The following KCNAB1 variants were observed in gnomAD, a reference collection of about 807,000 sequenced individuals.
KCNAB1 encodes voltage-gated potassium channel subunit beta-1.
Under a neutral mutation model 64.6 loss-of-function variants are expected in KCNAB1, and 35 were observed. That is an observed-to-expected ratio of 0.54 (90% confidence interval 0.41 to 0.72). The LOEUF (loss-of-function observed/expected upper bound fraction) is 0.72, where lower values mean the gene tolerates loss of function less well. Among genes scored for constraint, KCNAB1 ranks in the 30% least tolerant of loss-of-function variants. The probability of loss-of-function intolerance (pLI) is 0.00; values close to 1 mark genes in which losing one functional copy is unlikely to be tolerated. For synonymous variants in KCNAB1, 177 were observed against 183.8 expected (o/e 0.96, Z 0.30); for missense variants, 401 against 512.9 (o/e 0.78, Z 2.11).
At chr3:156,362,360 T>G (rs1315590696) in intron 1 of KCNAB1, among the ~76,000 whole-genome samples, 2 of 152,254 alleles carry the variant, frequency 1.3e-5, no homozygotes, top group Non-Finnish European at 2.9e-5. Flanking sequence ...ACATCTATAC[T>G]GTGCTCATGT....
intron 2 of KCNAB1, among the ~76,000 whole-genome samples, chr3:156,449,134 G>C (rs922621914): frequency 6.6e-6 from 1 of 151,954 alleles, no homozygotes; most frequent in Non-Finnish European, 1.5e-5. Flanking sequence ...TATGGAATAG[G>C]TATGTAATAA....
downstream of KCNAB1, chr3:156,538,762 ATAG>A (rs1361882647): frequency 6.6e-6 from 1 of 152,250 alleles, no homozygotes; most frequent in African/African-American, 2.4e-5. Context: ...CTCAACAGAA[ATAG>A]TAGTGATCAA....
chr3:156,189,617 T>A (rs543350978), intron 1 of KCNAB1, among the ~76,000 whole-genome samples: 6 of 151,426 alleles, frequency 4.0e-5, no homozygotes, highest in Non-Finnish European at 5.9e-5. Context: ...TTCCTACCAT[T>A]TAAATCTCTA....
At chr3:156,292,337 A>G (rs993459889) in intron 1 of KCNAB1, among the ~76,000 whole-genome samples, 4 of 152,214 alleles carry the variant, frequency 2.6e-5, no homozygotes, top group Admixed American at 6.5e-5. Flanking sequence ...CCCATTTTGT[A>G]TAATTCTAAA....
At chr3:156,459,286 T>C (rs763314456) in intron 4 of KCNAB1, among the ~76,000 whole-genome samples, 8 of 152,154 alleles carry the variant, frequency 5.3e-5, no homozygotes, top group Non-Finnish European at 1.2e-4. Context: ...CGTTATGTCT[T>C]CCTCTGTTTT....
At chr3:156,155,204 T>TC (rs1391605326) in intron 1 of KCNAB1, among the ~76,000 whole-genome samples, 2 of 151,934 alleles carry the variant, frequency 1.3e-5, no homozygotes, top group African/African-American at 2.4e-5. Context: ...CATCTACCTA[T>TC]CCCCCCTGCC....
chr3:156,515,732 C>T (rs1160067261), intron 10 of KCNAB1, among the ~76,000 whole-genome samples: 3 of 151,906 alleles, frequency 2.0e-5, no homozygotes, highest in Admixed American at 2.0e-4. Context: ...TATAATATAC[C>T]CAAGAAATTT....
At chr3:156,262,258 G>A (rs1718475127) in intron 1 of KCNAB1, among the ~76,000 whole-genome samples, 1 of 151,844 alleles carries the variant, frequency 6.6e-6, no homozygotes, top group South Asian at 2.1e-4. Context: ...TGGCAAAGTG[G>A]CATTGTTCCC....
At position 156,197,021 on chromosome 3, in the gene KCNAB1, A is replaced by C. The variant is rs114242157; in HGVS notation, c.275+76135A>C. The stretch of plus-strand genomic sequence containing the variant: ...CAGTTTTTAGCATGAATTGCTGTTG[A>C]GTTTTGTTGAAGGCCTTTTCTGCAT... On this transcript the variant is annotated intron_variant, in intron 1 of 13. Coordinates refer to ENST00000490337, the MANE Select transcript of KCNAB1 (RefSeq NM_172160.3). 9.2e-3 allele frequency among the ~76,000 whole-genome samples: 1,397 copies of C among 152,216 alleles called. 20 individuals carry two copies. Among genetic ancestry groups the C allele is most frequent in the African/African-American group, 0.032 (1,327 of 41,532 alleles).
chr3:156,341,529 C>T (rs1560205779), intron 1 of KCNAB1, among the ~76,000 whole-genome samples: 2 of 152,162 alleles, frequency 1.3e-5, no homozygotes, highest in Admixed American at 6.5e-5. Flanking sequence ...GTTCTCAGAG[C>T]CCAATTGGCC....
At chr3:156,303,560 G>T (rs1257329483) in intron 1 of KCNAB1, among the ~76,000 whole-genome samples, 1 of 152,158 alleles carries the variant, frequency 6.6e-6, no homozygotes, top group Non-Finnish European at 1.5e-5. Context: ...AGTCTGGGAA[G>T]CAAAGCATGG....
At chr3:156,428,007 T>A (rs115153918) in intron 2 of KCNAB1, among the ~76,000 whole-genome samples, 2,063 of 152,316 alleles carry the variant, frequency 0.014, 23 homozygotes, top group South Asian at 0.034. Flanking sequence ...CACTCTGGAA[T>A]GGGCATGCTT....
intron 2 of KCNAB1, among the ~76,000 whole-genome samples, chr3:156,449,438 C>G (rs1711830571): frequency 6.6e-6 from 1 of 152,150 alleles, no homozygotes. Context: ...GGAATTACTA[C>G]TGTAAATGGT....
At chr3:156,208,068 GAT>G (rs1262848981) in intron 1 of KCNAB1, among the ~76,000 whole-genome samples, 1 of 152,118 alleles carries the variant, frequency 6.6e-6, no homozygotes. Context: ...CAGAATACAT[GAT>G]ATATTTTTTT....
rs868326285 is a variant in KCNAB1, at chr3:156,516,625, C to T, written c.960+261C>T. ...AAAAGTGCCCAGTGACCTGATTGGA[C>T]TTGCAGGGCTCAAATTCCTACATTG... On this transcript the variant is annotated intron_variant, in intron 11 of 13. Coordinates refer to ENST00000490337, the MANE Select transcript of KCNAB1 (RefSeq NM_172160.3). Among the ~76,000 whole-genome samples, 7 of 152,248 alleles carry T rather than the reference C, an allele frequency of 4.6e-5. No homozygotes were observed. In the South Asian group the frequency reaches 8.3e-4, roughly 18 times the overall value.
chr3:156,248,310 T>A (rs535137532), intron 1 of KCNAB1, among the ~76,000 whole-genome samples: 16 of 152,308 alleles, frequency 1.1e-4, no homozygotes, highest in Middle Eastern at 3.4e-3. Flanking sequence ...CAGTTGCAAG[T>A]GCCTAGGTTC....
At chr3:156,278,003 G>A (rs1249502566) in intron 1 of KCNAB1, among the ~76,000 whole-genome samples, 4 of 152,062 alleles carry the variant, frequency 2.6e-5, no homozygotes, top group Admixed American at 6.6e-5. Context: ...AGCTGAGGGC[G>A]TCTCCTACAT....
intron 1 of KCNAB1, among the ~76,000 whole-genome samples, chr3:156,191,216 A>G (rs1269772813): frequency 6.6e-6 from 1 of 152,264 alleles, no homozygotes; most frequent in East Asian, 1.9e-4. Flanking sequence ...TCAAGGCAAC[A>G]GTTTGCTTTG....
intron 8 of KCNAB1, among the ~76,000 whole-genome samples, chr3:156,496,663 G>T (rs983381655): frequency 6.6e-6 from 1 of 152,122 alleles, no homozygotes; most frequent in Non-Finnish European, 1.5e-5. Context: ...ACTTGTTTTT[G>T]TAGCCACTTT....
Sources: allele counts gnomAD v4.1 joint callset (sites outside exome capture counted in the v4.1 genomes callset), GRCh38; gene constraint gnomAD v4.1.1; transcripts MANE v1.5; gene names NCBI Gene and HGNC (gene_info 2026-07-23, HGNC 2026-07-21).